LINGO2: variants seen among roughly 807,000 people sequenced by gnomAD.
The protein encoded by LINGO2 is leucine rich repeat and Ig domain containing 2, also known as leucine-rich repeat and immunoglobulin-like domain-containing nogo receptor-interacting protein 2.
Under a neutral mutation model 30.6 loss-of-function variants are expected in LINGO2, and 14 were observed. The observed-to-expected ratio is 0.46, with a 90% confidence interval of 0.30 to 0.72. The LOEUF (loss-of-function observed/expected upper bound fraction) is 0.72. Ranked by LOEUF, LINGO2 falls within the 30% of genes least tolerant of loss-of-function variation. The pLI is 0.07. For missense variants in LINGO2, 729 were observed against 751.7 expected, an observed-to-expected ratio of 0.97 and a Z score of 0.35; for synonymous variants, 317 against 288.5, an observed-to-expected ratio of 1.10 and a Z score of -1.00.
At chr9:28,324,815 G>C (rs1255909023) in intron 3 of LINGO2, among the ~76,000 whole-genome samples, 2 of 152,076 alleles carry the variant, frequency 1.3e-5, no homozygotes, top group Non-Finnish European at 2.9e-5. Flanking sequence ...CATATAAGCA[G>C]CTGAGCAGCC....
chr9:29,099,383 G>T, the LINGO2 span, among the ~76,000 whole-genome samples: 1 of 151,972 alleles, frequency 6.6e-6, no homozygotes, highest in African/African-American at 2.4e-5. Context: ...TGGACAAATG[G>T]GATCACATCA....
chr9:28,559,444 A>T (rs1053058899), intron 1 of LINGO2, among the ~76,000 whole-genome samples: 1 of 152,106 alleles, frequency 6.6e-6, no homozygotes, highest in African/African-American at 2.4e-5. Context: ...TTTCAAACAT[A>T]ATAGGTCATT....
At chr9:28,003,822 T>C (rs143095743) in intron 5 of LINGO2, among the ~76,000 whole-genome samples, 10 of 152,292 alleles carry the variant, frequency 6.6e-5, no homozygotes, top group Admixed American at 3.3e-4. Flanking sequence ...TGTCCTAAGT[T>C]GCAGTTTCCA....
At chr9:28,121,809 A>G (rs1827104079) in intron 4 of LINGO2, among the ~76,000 whole-genome samples, 1 of 152,226 alleles carries the variant, frequency 6.6e-6, no homozygotes, top group South Asian at 2.1e-4. Flanking sequence ...TCATTACTCC[A>G]CTAGAATATG....
the LINGO2 span, among the ~76,000 whole-genome samples, chr9:28,848,754 G>GTT: frequency 6.6e-6 from 1 of 151,576 alleles, no homozygotes; most frequent in Non-Finnish European, 1.5e-5. Flanking sequence ...TGGGCATGTG[G>GTT]AAAACATTTT....
chr9:28,467,247 G>A (rs557770908), intron 2 of LINGO2, among the ~76,000 whole-genome samples: 48 of 152,000 alleles, frequency 3.2e-4, no homozygotes, highest in Non-Finnish European at 5.4e-4. Context: ...GGATGGTCTC[G>A]ATCTCCTGAC....
In LINGO2 at chr9:28,550,529, T is replaced by A. The variant is rs77985974; in HGVS notation, c.-364-74504A>T. ...TCTTAAACATATTTATTTTATTATA[T>A]CTTTCAAATTGTTCTATTATTTCAG... On this transcript the variant is annotated intron_variant, in intron 1 of 5. Transcript: ENST00000379992. 7.6e-3 allele frequency among the ~76,000 whole-genome samples: 1,157 copies of A among 151,990 alleles called. 38 individuals are homozygous for A. In the East Asian group the frequency reaches 0.096, roughly 13 times the overall value.
At chr9:28,220,444 T>A (rs879395772) in intron 4 of LINGO2, among the ~76,000 whole-genome samples, 3 of 152,140 alleles carry the variant, frequency 2.0e-5, no homozygotes, top group Non-Finnish European at 4.4e-5. Flanking sequence ...CACAGTAGGA[T>A]GTCATATAAA....
the LINGO2 span, among the ~76,000 whole-genome samples, chr9:29,084,044 A>C: frequency 6.6e-6 from 1 of 152,110 alleles, no homozygotes; most frequent in African/African-American, 2.4e-5. Context: ...AAAAATCAAA[A>C]ATGTAATTTA....
chr9:28,933,388 C>T, the LINGO2 span, among the ~76,000 whole-genome samples: 5 of 152,182 alleles, frequency 3.3e-5, no homozygotes, highest in East Asian at 1.9e-4. Flanking sequence ...CCTCCTTGTC[C>T]GCCAATCGCA....
chr9:28,976,988 G>A, the LINGO2 span, among the ~76,000 whole-genome samples: 1 of 152,108 alleles, frequency 6.6e-6, no homozygotes, highest in Non-Finnish European at 1.5e-5. Context: ...GTGATATACT[G>A]TCATTTCAGT....
In LINGO2 at chr9:28,307,110, G is replaced by A. The variant is rs559207531; in HGVS notation, c.-245-11744C>T. Reference sequence around the variant, plus strand: ...CAGCATCATTCTGATACCAAAGCCCGGCAGAGACACAACAAAAAAAGAGAA... The same window carrying A: ...CAGCATCATTCTGATACCAAAGCCCAGCAGAGACACAACAAAAAAAGAGAA... On this transcript the variant is annotated intron_variant, in intron 3 of 5. Transcript: ENST00000379992. 8.6e-5 allele frequency among the ~76,000 whole-genome samples: 13 copies of A among 152,032 alleles called. 1 individual carries two copies. The South Asian group carries it at 2.3e-3, about 27-fold the overall frequency.
chr9:28,142,674 C>A (rs1448612016), intron 4 of LINGO2, among the ~76,000 whole-genome samples: 2 of 152,010 alleles, frequency 1.3e-5, no homozygotes, highest in Non-Finnish European at 2.9e-5. Context: ...GAGATAATTC[C>A]CTGATTCCTT....
chr9:28,885,139 G>A, the LINGO2 span, among the ~76,000 whole-genome samples: 1 of 146,974 alleles, frequency 6.8e-6, no homozygotes, highest in African/African-American at 2.5e-5. Flanking sequence ...AGCACTCCCG[G>A]GCACTCAAAG....
intron 1 of LINGO2, among the ~76,000 whole-genome samples, chr9:28,496,134 C>G (rs2135290466): frequency 6.6e-6 from 1 of 152,054 alleles, no homozygotes; most frequent in South Asian, 2.1e-4. Context: ...AATGTATATT[C>G]TGTTGATTTG....
chr9:28,825,327 T>C, the LINGO2 span, among the ~76,000 whole-genome samples: 1 of 151,732 alleles, frequency 6.6e-6, no homozygotes, highest in Admixed American at 6.6e-5. Flanking sequence ...AAGAAATGAG[T>C]AGACAGGCCC....
chr9:28,673,326 C>G (rs574027167), upstream of LINGO2, among the ~76,000 whole-genome samples: 2 of 152,142 alleles, frequency 1.3e-5, no homozygotes, highest in Non-Finnish European at 2.9e-5. Flanking sequence ...AGATTCTTCT[C>G]ACCAAAATGA....
chr9:28,722,833 C>T, the LINGO2 span, among the ~76,000 whole-genome samples: 3 of 152,032 alleles, frequency 2.0e-5, no homozygotes, highest in South Asian at 2.1e-4. Context: ...TGTGATAAGT[C>T]GTTCAACCTA....
chr9:28,421,431 G>T (rs1464822161), intron 2 of LINGO2, among the ~76,000 whole-genome samples: 1 of 141,962 alleles, frequency 7.0e-6, no homozygotes, highest in Non-Finnish European at 1.5e-5. Context: ...AAAAAAAAAA[G>T]CCATCCTAAA....
Sources: gnomAD v4.1 joint callset for allele counts (sites outside exome capture counted in the v4.1 genomes callset) on GRCh38, gnomAD v4.1.1 for gene constraint, MANE v1.5 for transcripts, NCBI Gene and HGNC (gene_info 2026-07-23, HGNC 2026-07-21) for gene names.